The following LRP2 variants were observed in gnomAD, a reference collection of about 807,000 sequenced individuals.
LRP2 encodes low-density lipoprotein receptor-related protein 2.
A neutral mutation model predicts 531.0 loss-of-function variants in LRP2; 172 were observed. The ratio of observed to expected loss-of-function variants is 0.32; its 90% CI spans 0.29 to 0.37. LRP2 has a LOEUF of 0.37. Ranked by LOEUF, LRP2 falls within the 10% of genes least tolerant of loss-of-function variation. LRP2 has a pLI of 1.00. For missense variants in LRP2, 5,167 were observed against 5,868.3 expected (o/e 0.88, Z 3.90); for synonymous variants, 1,992 against 2,027.6 (o/e 0.98, Z 0.47).
intron 1 of LRP2, among the ~76,000 whole-genome samples, chr2:169,354,286 A>C (rs1685933097): frequency 6.6e-6 from 1 of 152,210 alleles, no homozygotes; most frequent in South Asian, 2.1e-4. Context: ...ACTTATTTTC[A>C]AAGTTACCAG....
At position 169,251,148 on chromosome 2, in the gene LRP2, C is replaced by T. The variant is rs1437563622; in HGVS notation, c.2771-3633G>A. Among the ~76,000 whole-genome samples the T allele has an allele frequency of 1.9e-3, 30 of 15,984 alleles. 4 individuals are homozygous for T. In the East Asian group the frequency reaches 0.033, roughly 17 times the overall value. 10.5% of individuals were successfully genotyped at this position (15,984 alleles called of 152,430 possible). ...CTCTGCACCAAGCAGACCTAATAGA[C>T]ATCTACAGAACTCTCCACCCCAAAT... On this transcript the variant is annotated intron_variant, in intron 19 of 78. Transcript: ENST00000649046.
At chr2:169,296,265 T>C (rs1230492751) in intron 4 of LRP2, among the ~76,000 whole-genome samples, 1 of 152,188 alleles carries the variant, frequency 6.6e-6, no homozygotes, top group Non-Finnish European at 1.5e-5. Flanking sequence ...GTCAATCATA[T>C]GTTAAAATGG....
chr2:169,274,025 T>A (rs1559051744), intron 14 of LRP2, among the ~76,000 whole-genome samples: 1 of 152,172 alleles, frequency 6.6e-6, no homozygotes, highest in African/African-American at 2.4e-5. Context: ...TTCATCTGAA[T>A]GTGTCATTTC....
rs1688411749 is a variant in LRP2, at chr2:169,206,897, T to C, written c.6823A>G (p.Ser2275Gly). The change falls in exon 39 of 79, where the codon AGT becomes GGT. Residue 2275 changes from serine (S) to glycine (G), a missense_variant. Ser to Gly is a moderately conservative substitution (Grantham distance 56). This residue lies in a region of LRP2 where 2,811 missense variants were observed against 3,058.0 expected (regional missense o/e 0.92). Coordinates refer to ENST00000649046, the MANE Select transcript of LRP2 (RefSeq NM_004525.3). ...ATGCCATAAGGAGTTGGGTAACGACTGCCATAACGAATCACTTCAGAGTTC... is the reference window on the plus strand; with the variant it reads ...ATGCCATAAGGAGTTGGGTAACGACCGCCATAACGAATCACTTCAGAGTTC... ...GENSEVIRYG[S>G]RYPTPYGITV... is the part of the protein sequence containing the mutation. 6.2e-7 allele frequency: 1 copy of C among 1,614,068 alleles called. No homozygotes were observed.
At chr2:169,176,617 C>A (rs1483322434) in intron 53 of LRP2, 29 bp from the exon 54 acceptor site, 2 of 1,603,440 alleles carry the variant, frequency 1.2e-6, no homozygotes, top group South Asian at 1.1e-5. Context: ...AATATGTGTT[C>A]ATTTGCTGAA....
chr2:169,292,183 G>A, intron 7 of LRP2, 70 bp downstream of exon 7: 1 of 1,187,734 alleles, frequency 8.4e-7, no homozygotes, highest in Non-Finnish European at 1.3e-6. Context: ...AAAAAGGAAA[G>A]GAGAAAAAAC....
intron 1 of LRP2, among the ~76,000 whole-genome samples, chr2:169,333,914 G>A (rs1450180727): frequency 1.3e-5 from 2 of 152,158 alleles, no homozygotes; most frequent in Non-Finnish European, 2.9e-5. Flanking sequence ...ATCACTTCAC[G>A]TTATAATGTG....
At chr2:169,361,947 C>T (rs761599416) in intron 1 of LRP2, among the ~76,000 whole-genome samples, 1 of 152,314 alleles carries the variant, frequency 6.6e-6, no homozygotes, top group South Asian at 2.1e-4. Context: ...GGGACCGCGC[C>T]GCCCAGCAGA....
chr2:169,135,518 C>T (rs889971845), intron 76 of LRP2, among the ~76,000 whole-genome samples: 1 of 152,058 alleles, frequency 6.6e-6, no homozygotes, highest in Admixed American at 6.5e-5. Flanking sequence ...TGTCAAGTCA[C>T]CCAAGCAGTT....
At position 169,192,214 on chromosome 2, in the gene LRP2, T is replaced by A. The variant is rs190166131; in HGVS notation, c.8831-181A>T. Reference sequence around the variant, plus strand: ...AAAAATACCTCCAAAGATTCCATTTTAATTGCTTTGGACCCTGGCTTTTTC... The same window carrying A: ...AAAAATACCTCCAAAGATTCCATTTAAATTGCTTTGGACCCTGGCTTTTTC... On this transcript the variant is annotated intron_variant, in intron 47 of 78. Coordinates refer to ENST00000649046, the MANE Select transcript of LRP2 (RefSeq NM_004525.3). Among the ~76,000 whole-genome samples, 6 of 152,328 alleles carry A rather than the reference T, an allele frequency of 3.9e-5. No individual in the cohort carries two copies. In the East Asian group the frequency reaches 1.2e-3, roughly 29 times the overall value.
At chr2:169,341,500 T>C (rs1056758785) in intron 1 of LRP2, among the ~76,000 whole-genome samples, 8 of 152,116 alleles carry the variant, frequency 5.3e-5, no homozygotes, top group African/African-American at 1.7e-4. Flanking sequence ...TTTCATCAAA[T>C]ATTTTCCATA....
intron 4 of LRP2, among the ~76,000 whole-genome samples, chr2:169,302,534 A>G (rs1452672729): frequency 6.6e-6 from 1 of 152,200 alleles, no homozygotes; most frequent in African/African-American, 2.4e-5. Flanking sequence ...TCTAGTGGAT[A>G]GAGGCCAGGG....
intron 48 of LRP2, among the ~76,000 whole-genome samples, chr2:169,191,314 T>C (rs891288223): frequency 7.2e-5 from 11 of 152,188 alleles, no homozygotes. Flanking sequence ...GTTATTTTTC[T>C]TGTAGTAGAG....
chr2:169,202,548 C>T (rs906314788), intron 43 of LRP2, among the ~76,000 whole-genome samples: 2 of 152,164 alleles, frequency 1.3e-5, no homozygotes, highest in African/African-American at 4.8e-5. Flanking sequence ...AATGCGATCA[C>T]CAGGATGATG....
At position 169,201,707 on chromosome 2, in the gene LRP2, T is replaced by C. The variant is rs757310167; in HGVS notation, c.8373A>G (p.Arg2791=). The C allele has an allele frequency of 3.7e-6, 6 of 1,614,086 alleles. No homozygotes were observed. In the Admixed American group the frequency reaches 1.0e-4, roughly 27 times the overall value. ...AGATAAACTCACGAGGTATGCACCT[T>C]CTGTTATTGCACATAAACTCCGTGG... ...NATTEFMCNN[R]RCIPREFICN... Residue 2791 remains arginine (R), a synonymous_variant, in exon 44 of 79, where the codon AGA becomes AGG. Transcript: ENST00000649046.
chr2:169,160,140 T>C (rs1471415440), intron 63 of LRP2, among the ~76,000 whole-genome samples: 1 of 152,208 alleles, frequency 6.6e-6, no homozygotes, highest in Admixed American at 6.5e-5. Flanking sequence ...CAAGTCAATC[T>C]ATCTTTATGA....
chr2:169,182,060 A>G, intron 51 of LRP2, 107 bp downstream of exon 51: 1 of 1,444,052 alleles, frequency 6.9e-7, no homozygotes, highest in Non-Finnish European at 9.7e-7. Context: ...CAGAAGACAA[A>G]CCCCAGCAAG....
At chr2:169,229,527 T>C (rs1420949680) in intron 31 of LRP2, among the ~76,000 whole-genome samples, 2 of 152,140 alleles carry the variant, frequency 1.3e-5, no homozygotes, top group Non-Finnish European at 2.9e-5. Context: ...CTATTTGTAT[T>C]TGGAGTAATT....
chr2:169,293,309 T>G (rs1271014189), intron 6 of LRP2, among the ~76,000 whole-genome samples: 1 of 152,230 alleles, frequency 6.6e-6, no homozygotes, highest in Non-Finnish European at 1.5e-5. Context: ...TCATTTGCAT[T>G]GCAGGCAACA....
Sources: gnomAD v4.1 joint callset for allele counts (sites outside exome capture counted in the v4.1 genomes callset) on GRCh38, gnomAD v4.1.1 for gene constraint, gnomAD v4.1.1 regional missense constraint, MANE v1.5 for transcripts, NCBI Gene and HGNC (gene_info 2026-07-23, HGNC 2026-07-21) for gene names.